SHANK2: variants seen among roughly 807,000 people sequenced by gnomAD.
The protein encoded by SHANK2 is SH3 and multiple ankyrin repeat domains 2, also known as SH3 and multiple ankyrin repeat domains protein 2.
Under a neutral mutation model 133.7 loss-of-function variants are expected in SHANK2, and 43 were observed. The observed-to-expected ratio is 0.32, with a 90% CI of 0.25 to 0.41. SHANK2 has a LOEUF of 0.41. Among genes scored for constraint, SHANK2 ranks in the 10% least tolerant of loss-of-function variants. The pLI, the probability that SHANK2 is intolerant of heterozygous loss-of-function variation, is 1.00. For missense variants in SHANK2, 1,994 were observed against 2,235.8 expected (o/e 0.89, Z 2.18); for synonymous variants, 1,017 against 952.8 (o/e 1.07, Z -1.24).
intron 14 of SHANK2, among the ~76,000 whole-genome samples, chr11:70,747,455 G>A (rs973688911): frequency 6.6e-6 from 1 of 152,184 alleles, no homozygotes; most frequent in African/African-American, 2.4e-5. Context: ...CATGGGGGCC[G>A]GGTTTCCTTG....
At chr11:70,657,306 G>A (rs1270643317) in intron 17 of SHANK2, among the ~76,000 whole-genome samples, 6 of 152,272 alleles carry the variant, frequency 3.9e-5, no homozygotes, top group East Asian at 1.9e-4. Context: ...GAAAATTCAC[G>A]TGAGACATGT....
At chr11:70,642,314 T>C (rs1200893709) in intron 17 of SHANK2, among the ~76,000 whole-genome samples, 2 of 140,586 alleles carry the variant, frequency 1.4e-5, no homozygotes, top group Non-Finnish European at 3.0e-5. Context: ...TTCCGTTCGA[T>C]TCAAATTTAA....
chr11:70,513,817 AAAG>A (rs1187248976), intron 17 of SHANK2, among the ~76,000 whole-genome samples: 4 of 152,246 alleles, frequency 2.6e-5, no homozygotes, highest in African/African-American at 7.2e-5. Context: ...TATCCAATCC[AAAG>A]AAGAGAGAAA....
intron 17 of SHANK2, among the ~76,000 whole-genome samples, chr11:70,511,143 G>A (rs545539684): frequency 4.6e-5 from 7 of 152,282 alleles, no homozygotes; most frequent in Admixed American, 6.5e-5. Flanking sequence ...GTGCCCCAGC[G>A]CCCATCAACA....
At chr11:70,533,327 C>T (rs1031522339) in intron 17 of SHANK2, among the ~76,000 whole-genome samples, 20 of 152,110 alleles carry the variant, frequency 1.3e-4, no homozygotes, top group African/African-American at 2.4e-4. Flanking sequence ...CGGGCTAAAC[C>T]GATCCTCCTG....
chr11:70,763,532 G>A (rs1177411349), intron 14 of SHANK2, among the ~76,000 whole-genome samples: 1 of 152,150 alleles, frequency 6.6e-6, no homozygotes, highest in Non-Finnish European at 1.5e-5. Flanking sequence ...ACCAGGCTGG[G>A]CTCGCAGTGG....
chr11:70,708,713 C>A (rs1176442302), intron 14 of SHANK2, among the ~76,000 whole-genome samples: 1 of 152,178 alleles, frequency 6.6e-6, no homozygotes, highest in Non-Finnish European at 1.5e-5. Context: ...TCCTCCAAGC[C>A]CTTTGAGGGG....
intron 10 of SHANK2, among the ~76,000 whole-genome samples, chr11:70,912,897 A>G (rs1950217014): frequency 6.6e-6 from 1 of 152,160 alleles, no homozygotes; most frequent in Non-Finnish European, 1.5e-5. Context: ...CATGTGTCAC[A>G]TCGGGGAACA....
At chr11:70,864,022 C>T in intron 11 of SHANK2, 1 of 371,230 alleles carries the variant, frequency 2.7e-6, no homozygotes, top group Non-Finnish European at 5.3e-6. Context: ...ATGGCCTCCC[C>T]TGTCCTGGCC....
intron 13 of SHANK2, among the ~76,000 whole-genome samples, chr11:70,803,678 T>C: frequency 6.6e-6 from 1 of 151,992 alleles, no homozygotes. Flanking sequence ...GCTGAGAAAC[T>C]GCACTCAGGT....
At chr11:70,659,422 C>T (rs1160026454) in intron 17 of SHANK2, among the ~76,000 whole-genome samples, 1 of 152,174 alleles carries the variant, frequency 6.6e-6, no homozygotes, top group African/African-American at 2.4e-5. Flanking sequence ...CCAGCAACTG[C>T]CACACAAGAG....
At chr11:70,513,106 A>C (rs1002245160) in intron 17 of SHANK2, among the ~76,000 whole-genome samples, 3 of 152,174 alleles carry the variant, frequency 2.0e-5, no homozygotes, top group Admixed American at 6.5e-5. Flanking sequence ...ATGAGAGTTG[A>C]AAATTAGAAG....
intron 2 of SHANK2, among the ~76,000 whole-genome samples, chr11:71,208,438 G>A (rs2919744): frequency 0.13 from 19,472 of 152,148 alleles, 1,435 homozygotes; most frequent in Non-Finnish European, 0.17. Context: ...ACCCTAGCCC[G>A]ATGCTGCTTT....
chr11:70,867,849 C>T (rs1949392660), intron 11 of SHANK2, among the ~76,000 whole-genome samples: 1 of 152,232 alleles, frequency 6.6e-6, no homozygotes, highest in Non-Finnish European at 1.5e-5. Flanking sequence ...ACTGCTCCTG[C>T]ACCGGCCGGC....
At chr11:71,159,266 A>G (rs1952963711) in intron 2 of SHANK2, among the ~76,000 whole-genome samples, 2 of 152,112 alleles carry the variant, frequency 1.3e-5, no homozygotes, top group African/African-American at 4.8e-5. Flanking sequence ...GTACTCTGAC[A>G]CTCATGGCCC....
At chr11:70,784,787 A>T (rs1555046070) in intron 14 of SHANK2, among the ~76,000 whole-genome samples, 4 of 151,996 alleles carry the variant, frequency 2.6e-5, no homozygotes, top group African/African-American at 9.7e-5. Context: ...CCATCTCGGT[A>T]AATGTCAGGG....
chr11:71,125,766 T>C (rs1383968730), intron 3 of SHANK2, among the ~76,000 whole-genome samples: 1 of 152,220 alleles, frequency 6.6e-6, no homozygotes, highest in African/African-American at 2.4e-5. Context: ...TGAAAGAAGA[T>C]GGCATCTAGG....
At chr11:71,128,936 C>A (rs1952240344) in intron 3 of SHANK2, among the ~76,000 whole-genome samples, 1 of 152,214 alleles carries the variant, frequency 6.6e-6, no homozygotes, top group Admixed American at 6.5e-5. Flanking sequence ...AGGTGCCCAC[C>A]ACCACGCCCG....
chr11:70,493,163 T>C (rs572926646), intron 21 of SHANK2, among the ~76,000 whole-genome samples: 2 of 150,034 alleles, frequency 1.3e-5, no homozygotes, highest in South Asian at 4.2e-4. Flanking sequence ...TTTTTGAAGT[T>C]TTTTTTTTTG....
Sources: gnomAD v4.1 joint callset for allele counts (sites outside exome capture counted in the v4.1 genomes callset) on GRCh38, gnomAD v4.1.1 for gene constraint, MANE v1.5 for transcripts, NCBI Gene and HGNC (gene_info 2026-07-23, HGNC 2026-07-21) for gene names.